The following DYNC1I1 variants were observed in gnomAD, a reference collection of about 807,000 sequenced individuals.
DYNC1I1 encodes the protein cytoplasmic dynein 1 intermediate chain 1.
A neutral mutation model predicts 86.6 loss-of-function variants in DYNC1I1; 43 were observed. That is an observed-to-expected ratio of 0.50 (90% CI 0.39 to 0.64). The LOEUF is 0.64. Among genes scored for constraint, DYNC1I1 ranks in the 30% least tolerant of loss-of-function variants. The pLI is 0.00. For missense variants in DYNC1I1, 604 were observed against 788.8 expected (o/e 0.77, Z 2.81); for synonymous variants, 262 against 283.7 (o/e 0.92, Z 0.77).
chr7:95,951,798 A>C (rs1792566263), intron 6 of DYNC1I1, among the ~76,000 whole-genome samples: 1 of 152,122 alleles, frequency 6.6e-6, no homozygotes, highest in South Asian at 2.1e-4. Flanking sequence ...TTCTTGTGTA[A>C]GCTCATTCAT....
At chr7:95,948,376 G>A (rs1032921621) in intron 6 of DYNC1I1, among the ~76,000 whole-genome samples, 1 of 152,130 alleles carries the variant, frequency 6.6e-6, no homozygotes, top group Non-Finnish European at 1.5e-5. Flanking sequence ...ACAATAGACA[G>A]GGGTTGTCCA....
In DYNC1I1 at chr7:95,870,060, T is replaced by C. The variant is rs1306241095; in HGVS notation, c.490+62T>C. 6.4e-6 allele frequency: 9 copies of C among 1,404,172 alleles called. No individual in the cohort carries two copies. In the Admixed American group the frequency reaches 1.5e-4, roughly 23 times the overall value. 87.0% of individuals were successfully genotyped at this position (1,404,172 alleles called of 1,614,324 possible). The stretch of plus-strand genomic sequence containing the variant: ...CTGGAGAAATCGCTGGGAAGTAACA[T>C]CTTTCTTGTTGATTTCCTCTTACCA... On this transcript the variant is annotated intron_variant, in intron 6 of 16. Coordinates refer to ENST00000447467, the MANE Select transcript of DYNC1I1 (RefSeq NM_001135556.2).
chr7:95,784,389 C>T (rs545358993), intron 1 of DYNC1I1, among the ~76,000 whole-genome samples: 111 of 152,158 alleles, frequency 7.3e-4, no homozygotes, highest in South Asian at 1.2e-3. Flanking sequence ...GGGCCAGTGC[C>T]GTAGCAAAGG....
intron 6 of DYNC1I1, among the ~76,000 whole-genome samples, chr7:95,914,796 G>T (rs2116354623): frequency 6.6e-6 from 1 of 152,230 alleles, no homozygotes; most frequent in East Asian, 1.9e-4. Flanking sequence ...TCCCGGCTGG[G>T]TGCCAGCTGT....
intron 14 of DYNC1I1, among the ~76,000 whole-genome samples, chr7:96,050,959 A>C (rs1789387904): frequency 6.6e-6 from 1 of 152,176 alleles, no homozygotes; most frequent in Admixed American, 6.5e-5. Context: ...CTTTTACTGT[A>C]TCTTAGCACA....
intron 5 of DYNC1I1, among the ~76,000 whole-genome samples, chr7:95,859,325 G>T (rs181868682): frequency 1.3e-4 from 20 of 151,830 alleles, no homozygotes; most frequent in African/African-American, 4.4e-4. Flanking sequence ...TTTTCTGTAG[G>T]GTCAGTCACT....
chr7:95,791,885 ACT>A (rs1794312758), intron 1 of DYNC1I1, among the ~76,000 whole-genome samples: 1 of 151,898 alleles, frequency 6.6e-6, no homozygotes, highest in African/African-American at 2.4e-5. Context: ...TGAGACAATG[ACT>A]CTCCCCCGCC....
chr7:95,776,217 T>C (rs912037732), intron 1 of DYNC1I1, among the ~76,000 whole-genome samples: 1 of 152,162 alleles, frequency 6.6e-6, no homozygotes. Context: ...TTATTCCTCT[T>C]GACAGAGACT....
chr7:96,065,470 A>G (rs1230335349), intron 14 of DYNC1I1, among the ~76,000 whole-genome samples: 2 of 148,346 alleles, frequency 1.3e-5, no homozygotes, highest in Non-Finnish European at 3.0e-5. Flanking sequence ...CTCTATCTCC[A>G]GGATTCAATT....
intron 6 of DYNC1I1, among the ~76,000 whole-genome samples, chr7:95,930,537 G>GTTGCTATGGATATCTGA (rs1791865149): frequency 6.6e-6 from 1 of 152,152 alleles, no homozygotes; most frequent in African/African-American, 2.4e-5. Context: ...GGGAGGTCTG[G>GTTGCTATGGATATCTGA]TTGCTATGGA....
chr7:95,906,667 T>C (rs1791185997), intron 6 of DYNC1I1, among the ~76,000 whole-genome samples: 1 of 152,182 alleles, frequency 6.6e-6, no homozygotes, highest in Admixed American at 6.5e-5. Flanking sequence ...TTAAGCTGTA[T>C]GCTTATATTT....
intron 14 of DYNC1I1, among the ~76,000 whole-genome samples, chr7:96,042,579 T>C (rs537442967): frequency 2.0e-5 from 3 of 152,272 alleles, no homozygotes; most frequent in African/African-American, 7.2e-5. Context: ...CTACAAAGTT[T>C]TTGTCAAAGG....
At chr7:96,079,362 T>C (rs1448561214) in intron 15 of DYNC1I1, among the ~76,000 whole-genome samples, 1 of 152,164 alleles carries the variant, frequency 6.6e-6, no homozygotes, top group Non-Finnish European at 1.5e-5. Flanking sequence ...AATATTTACC[T>C]TTTCCTTTCT....
At chr7:96,065,378 C>CTTTTTTTTTTTTTTTTTTTTTT (rs34423655) in intron 14 of DYNC1I1, among the ~76,000 whole-genome samples, 1 of 127,584 alleles carries the variant, frequency 7.8e-6, no homozygotes, top group African/African-American at 3.0e-5. Context: ...TTCTTTCTTT[C>CTTTTTTTTTTTTTTTTTTTTTT]TTTTTTTTTT....
chr7:95,786,488 T>C (rs1562892057), intron 1 of DYNC1I1, among the ~76,000 whole-genome samples: 2 of 152,214 alleles, frequency 1.3e-5, no homozygotes, highest in African/African-American at 4.8e-5. Context: ...ACATGCTTTT[T>C]GAGACAGACT....
chr7:95,942,821 A>C (rs1173641788), intron 6 of DYNC1I1, among the ~76,000 whole-genome samples: 1 of 143,472 alleles, frequency 7.0e-6, no homozygotes, highest in Non-Finnish European at 1.5e-5. Context: ...AAAATTCAAC[A>C]ACCCTTCATG....
At chr7:96,100,888 C>G (rs1489394952), downstream of DYNC1I1, among the ~76,000 whole-genome samples, 1 of 152,106 alleles carries the variant, frequency 6.6e-6, no homozygotes, top group Non-Finnish European at 1.5e-5. Context: ...AAGACACACT[C>G]AAGGGTTATG....
chr7:96,080,577 C>T (rs1790484418), intron 16 of DYNC1I1, 89 bp downstream of exon 16: 1 of 1,606,146 alleles, frequency 6.2e-7, no homozygotes. Flanking sequence ...ACTTGTAGGC[C>T]ACAAGGACCC....
At chr7:96,092,564 T>C (rs1349615655) in intron 16 of DYNC1I1, among the ~76,000 whole-genome samples, 2 of 152,180 alleles carry the variant, frequency 1.3e-5, no homozygotes, top group African/African-American at 2.4e-5. Flanking sequence ...CTCCACAGTC[T>C]GTGCCTCCCT....
Sources: allele counts gnomAD v4.1 joint callset (sites outside exome capture counted in the v4.1 genomes callset), GRCh38; gene constraint gnomAD v4.1.1; transcripts MANE v1.5; gene names NCBI Gene and HGNC (gene_info 2026-07-23, HGNC 2026-07-21).